LINGO2: variants seen among roughly 807,000 people sequenced by gnomAD.
LINGO2 encodes leucine-rich repeat and immunoglobulin-like domain-containing nogo receptor-interacting protein 2.
LINGO2 carries 14 observed loss-of-function variants against 30.6 expected under a neutral mutation model. The ratio of observed to expected loss-of-function variants is 0.46; its 90% CI spans 0.30 to 0.72. The LOEUF (loss-of-function observed/expected upper bound fraction) is 0.72. Ranked by LOEUF, LINGO2 falls within the 30% of genes least tolerant of loss-of-function variation. The pLI is 0.07. For missense variants in LINGO2, 729 were observed against 751.7 expected (o/e 0.97, Z 0.35); for synonymous variants, 317 against 288.5 (o/e 1.10, Z -1.00).
chr9:29,094,502 T>C, the LINGO2 span, among the ~76,000 whole-genome samples: 2 of 138,420 alleles, frequency 1.4e-5, 1 homozygote, highest in Non-Finnish European at 3.1e-5. Context: ...CAAAGAAAAA[T>C]TATGTGGGTG....
At chr9:28,011,856 G>A (rs2119255252) in intron 5 of LINGO2, among the ~76,000 whole-genome samples, 1 of 152,272 alleles carries the variant, frequency 6.6e-6, no homozygotes, top group African/African-American at 2.4e-5. Context: ...AGAAGACACA[G>A]GCAGGGCATG....
the LINGO2 span, among the ~76,000 whole-genome samples, chr9:29,037,983 T>A: frequency 6.6e-6 from 1 of 152,074 alleles, no homozygotes; most frequent in Non-Finnish European, 1.5e-5. Context: ...CTATGATTTG[T>A]TGATGTATAG....
At chr9:28,685,033 C>T in the LINGO2 span, among the ~76,000 whole-genome samples, 2 of 152,062 alleles carry the variant, frequency 1.3e-5, no homozygotes, top group Non-Finnish European at 2.9e-5. Flanking sequence ...CTCTTTGTGT[C>T]CATGTATTCT....
chr9:28,046,729 A>G (rs1333203942), intron 4 of LINGO2, among the ~76,000 whole-genome samples: 1 of 151,752 alleles, frequency 6.6e-6, no homozygotes, highest in South Asian at 2.1e-4. Context: ...TTTATTCCAC[A>G]TATCTCCTCT....
chr9:28,059,835 A>T (rs1338280542), intron 4 of LINGO2, among the ~76,000 whole-genome samples: 1 of 151,964 alleles, frequency 6.6e-6, no homozygotes, highest in African/African-American at 2.4e-5. Context: ...TGACGCTTCT[A>T]AACAATGGTT....
intron 3 of LINGO2, among the ~76,000 whole-genome samples, chr9:28,308,669 T>C (rs1461933427): frequency 4.8e-5 from 7 of 147,036 alleles, no homozygotes; most frequent in African/African-American, 1.0e-4. Context: ...AGAAAATTTT[T>C]GCAACCTACT....
chr9:28,079,276 A>C (rs1480018673), intron 4 of LINGO2, among the ~76,000 whole-genome samples: 1 of 152,156 alleles, frequency 6.6e-6, no homozygotes, highest in Non-Finnish European at 1.5e-5. Context: ...GCAGGCAAAA[A>C]CACCAGGGTT....
rs145458168 is a variant in LINGO2 at position 27,949,506 on chromosome 9, C to A, written c.1166G>T (p.Arg389Leu). 645 of 1,614,090 alleles carry A rather than the reference C, an allele frequency of 4.0e-4. 4 individuals carry two copies. In the African/African-American group the frequency reaches 7.0e-3, roughly 17 times the overall value. The change falls in exon 6 of 6, where the codon CGT (arginine) becomes CTT (leucine). Residue 389 changes from arginine to leucine, a missense_variant. By Grantham distance (102) the Arg-to-Leu change is moderately radical. Coordinates refer to ENST00000379992, the Ensembl canonical transcript of LINGO2. ...ATGGAAATCCTTGAAAGACCTCTCACGGATGGTGTCTGGGCCAGCACACAT... is the reference window on the plus strand; with the variant it reads ...ATGGAAATCCTTGAAAGACCTCTCAAGGATGGTGTCTGGGCCAGCACACAT...
At chr9:28,432,016 T>G (rs1001961846) in intron 2 of LINGO2, among the ~76,000 whole-genome samples, 1 of 152,148 alleles carries the variant, frequency 6.6e-6, no homozygotes, top group East Asian at 1.9e-4. Flanking sequence ...ATTCATTGTA[T>G]GTACATCCAG....
chr9:28,778,887 A>G, the LINGO2 span, among the ~76,000 whole-genome samples: 1 of 152,216 alleles, frequency 6.6e-6, no homozygotes, highest in East Asian at 1.9e-4. Flanking sequence ...ACATGGAAGC[A>G]TTAGATTCTG....
At position 28,483,997 on chromosome 9, in the gene LINGO2, C is replaced by T. The variant is rs571072317; in HGVS notation, c.-364-7972G>A. Among the ~76,000 whole-genome samples, 108 of 152,036 alleles carry T rather than the reference C, an allele frequency of 7.1e-4. 1 individual carries two copies. The highest frequency in any genetic ancestry group is 2.4e-3 in the African/African-American group (99 of 41,506). On this transcript the variant is annotated intron_variant, in intron 1 of 5. Transcript: ENST00000379992. ...AACTTAAGTAGAGAGAAAGAAATAC[C>T]ACCTCAATATACCAGGCTAAGCTTT...
chr9:28,601,613 AC>A (rs1255753080), intron 1 of LINGO2, among the ~76,000 whole-genome samples: 1 of 152,018 alleles, frequency 6.6e-6, no homozygotes, highest in Admixed American at 6.6e-5. Context: ...CTCTTTTTAT[AC>A]GGCATAATTT....
chr9:28,212,947 A>C (rs1820641737), intron 4 of LINGO2, among the ~76,000 whole-genome samples: 2 of 151,564 alleles, frequency 1.3e-5, no homozygotes, highest in Non-Finnish European at 1.5e-5. Context: ...ACTTACTTTG[A>C]AAATTCTCAT....
rs369189133 is a variant in LINGO2 at position 28,309,533 on chromosome 9, A to G, written c.-245-14167T>C. On this transcript the variant is annotated intron_variant, in intron 3 of 5. Transcript: ENST00000379992. ...ACCAGCATGGCACATGTATACATAT[A>G]TAACTAACCTGCATGTTGTGCACAT... is the stretch of plus-strand genomic sequence containing the variant. 1.6e-4 allele frequency among the ~76,000 whole-genome samples: 24 copies of G among 152,082 alleles called. 2 individuals carry two copies. In the East Asian group the frequency reaches 3.1e-3, roughly 20 times the overall value.
intron 4 of LINGO2, among the ~76,000 whole-genome samples, chr9:28,072,796 A>C (rs139903592): frequency 3.1e-4 from 47 of 152,138 alleles, no homozygotes; most frequent in East Asian, 1.2e-3. Context: ...TCTGTTTTTC[A>C]ATATATCTGG....
the LINGO2 span, among the ~76,000 whole-genome samples, chr9:28,961,388 A>AGTTTCATAC: frequency 6.6e-6 from 1 of 152,178 alleles, no homozygotes; most frequent in Non-Finnish European, 1.5e-5. Context: ...ATAGCCAGGG[A>AGTTTCATAC]ATAACTTGTA....
the LINGO2 span, among the ~76,000 whole-genome samples, chr9:28,756,901 G>C: frequency 6.6e-6 from 1 of 151,682 alleles, no homozygotes; most frequent in Non-Finnish European, 1.5e-5. Context: ...GTCTTAGGCA[G>C]ATCACCTAAA....
chr9:28,594,048 TA>T (rs1004858301), intron 1 of LINGO2, among the ~76,000 whole-genome samples: 9 of 150,522 alleles, frequency 6.0e-5, no homozygotes, highest in Non-Finnish European at 7.4e-5. Context: ...TTTTTCAAAA[TA>T]AAAAAAAACA....
intron 1 of LINGO2, among the ~76,000 whole-genome samples, chr9:28,484,543 C>T (rs1826096496): frequency 6.6e-6 from 1 of 152,060 alleles, no homozygotes; most frequent in Non-Finnish European, 1.5e-5. Flanking sequence ...CCACATTCCT[C>T]ACGTGACATG....
Sources: gnomAD v4.1 joint callset for allele counts (sites outside exome capture counted in the v4.1 genomes callset) on GRCh38, gnomAD v4.1.1 for gene constraint, MANE v1.5 for transcripts, NCBI Gene and HGNC (gene_info 2026-07-23, HGNC 2026-07-21) for gene names.